TRAPPC10: variants seen among roughly 807,000 people sequenced by gnomAD.
The protein encoded by TRAPPC10 is TRAPP 130 kDa subunit.
In TRAPPC10, 23 loss-of-function variants were observed where a neutral mutation model predicts 125.5. That is an observed-to-expected ratio of 0.18 (90% confidence interval 0.13 to 0.26). The LOEUF is 0.26. TRAPPC10 is among the 10% of genes least tolerant of loss of function. The probability of loss-of-function intolerance (pLI) is 1.00; values close to 1 mark genes in which losing one functional copy is unlikely to be tolerated. For missense variants in TRAPPC10, 1,123 were observed against 1,308.4 expected (o/e 0.86, Z 2.19); for synonymous variants, 509 against 518.0 (o/e 0.98, Z 0.24).
chr21:44,072,148 A>G (rs2036913165), intron 7 of TRAPPC10, among the ~76,000 whole-genome samples: 1 of 152,268 alleles, frequency 6.6e-6, no homozygotes, highest in South Asian at 2.1e-4. Flanking sequence ...GAACTATTCT[A>G]TAATCATGCC....
chr21:44,069,809 T>G (rs1183189790), intron 7 of TRAPPC10, among the ~76,000 whole-genome samples: 1 of 152,038 alleles, frequency 6.6e-6, no homozygotes, highest in African/African-American at 2.4e-5. Flanking sequence ...TGTGCTAGGG[T>G]ACAGTGATGA....
At chr21:44,083,992 C>A in intron 14 of TRAPPC10, 130 bp from the exon 15 acceptor site, 1 of 994,330 alleles carries the variant, frequency 1.0e-6, no homozygotes. Context: ...GGCACAAGAG[C>A]AGGGGGTACA....
intron 10 of TRAPPC10, 68 bp downstream of exon 10, chr21:44,076,696 C>T (rs2037308733): frequency 1.5e-6 from 2 of 1,377,584 alleles, no homozygotes; most frequent in East Asian, 4.6e-5. Flanking sequence ...TGCTACATGG[C>T]CTGTTGAGTT....
intron 7 of TRAPPC10, among the ~76,000 whole-genome samples, chr21:44,064,303 ATG>A (rs10526131): frequency 0.11 from 15,548 of 147,790 alleles, 855 homozygotes; most frequent in Admixed American, 0.15. Flanking sequence ...TGTCATAAAT[ATG>A]TGTGTGTGTG....
rs1296872161 is a variant in TRAPPC10, at chr21:44,052,305, T to G, written c.311T>G (p.Val104Gly). Residue 104 changes from valine (V) to glycine (G), a missense_variant, in exon 4 of 23, where the codon GTA becomes GGA. Physicochemically the swap from Val to Gly is moderately radical, Grantham distance 109. Around this residue, in one of 4 missense-constraint regions of TRAPPC10, gnomAD observed 177 missense variants for 228.9 expected, o/e 0.77. Transcript: ENST00000291574. ...CCDTEVYKAT[V>G]KDDLTKWQNV... ...GATACCGAAGTGTATAAAGCTACAG[T>G]AAAAGATGACCTCACCAAGTGGCAG... is the stretch of plus-strand genomic sequence containing the variant. 3 of 1,602,852 alleles carry G rather than the reference T, an allele frequency of 1.9e-6. No homozygotes were observed. The highest frequency in any genetic ancestry group is 2.5e-6 in the Non-Finnish European group (3 of 1,177,058).
chr21:44,030,410 A>G (rs2033472636), intron 1 of TRAPPC10, among the ~76,000 whole-genome samples: 1 of 152,212 alleles, frequency 6.6e-6, no homozygotes, highest in South Asian at 2.1e-4. Context: ...AATCAAAGTT[A>G]AGAAACCAGA....
chr21:44,047,187 TTTA>T, intron 3 of TRAPPC10: 1 of 382,862 alleles, frequency 2.6e-6, no homozygotes, highest in Non-Finnish European at 4.9e-6. Context: ...ACATTTTTAT[TTTA>T]TTTTATTTTT....
intron 6 of TRAPPC10, chr21:44,062,898 A>G: frequency 6.1e-6 from 6 of 985,322 alleles, no homozygotes; most frequent in Non-Finnish European, 7.2e-6. Context: ...TGATTGATGG[A>G]CTTGTTATTA....
chr21:44,057,720 A>G (rs1010456641), intron 5 of TRAPPC10, among the ~76,000 whole-genome samples: 1 of 152,244 alleles, frequency 6.6e-6, no homozygotes, highest in Non-Finnish European at 1.5e-5. Flanking sequence ...GAAGTTCAAC[A>G]TAACTTAGCA....
rs765995717 is a variant in TRAPPC10 at position 44,087,581 on chromosome 21, G to A, written c.2540-118G>A. The A allele has an allele frequency of 8.0e-6, 7 of 875,158 alleles. No homozygotes were observed. Among genetic ancestry groups the A allele is most frequent in the Non-Finnish European group, 1.1e-5 (6 of 554,242 alleles). 54.2% of individuals were successfully genotyped at this position (875,158 alleles called of 1,614,324 possible). On this transcript the variant is annotated intron_variant, in intron 16 of 22. Coordinates refer to ENST00000291574, the MANE Select transcript of TRAPPC10 (RefSeq NM_003274.5). The surrounding 1 kb of genome is among the most constrained non-coding windows in gnomAD (Gnocchi z 4.6). ...TTGTTCTTGGGTTTGCCTGCCAGGT[G>A]CGCAGGAGCGGGAGAGGTTGAGCAG... is the stretch of plus-strand genomic sequence containing the variant.
chr21:44,057,138 G>C (rs570267163), intron 5 of TRAPPC10, among the ~76,000 whole-genome samples: 1 of 152,286 alleles, frequency 6.6e-6, no homozygotes, highest in Admixed American at 6.5e-5. Flanking sequence ...TTCAGAGACA[G>C]AAGGTGGAAT....
chr21:44,080,354 C>G (rs2037603166), intron 13 of TRAPPC10, among the ~76,000 whole-genome samples: 1 of 152,032 alleles, frequency 6.6e-6, no homozygotes. Flanking sequence ...TAACCACACC[C>G]AAAGAATTAA....
chr21:44,025,821 G>GT (rs2032991774), intron 1 of TRAPPC10, among the ~76,000 whole-genome samples: 4 of 109,940 alleles, frequency 3.6e-5, no homozygotes, highest in African/African-American at 1.4e-4. Flanking sequence ...AGAGGGCAGG[G>GT]GTGTGTGTGT....
chr21:44,013,749 TAGACG>T (rs2031472114), intron 1 of TRAPPC10, among the ~76,000 whole-genome samples: 2 of 152,246 alleles, frequency 1.3e-5, no homozygotes, highest in African/African-American at 4.8e-5. Flanking sequence ...TACAGAGACC[TAGACG>T]AGATGATAGA....
At chr21:44,067,598 T>A (rs2036544644) in intron 7 of TRAPPC10, among the ~76,000 whole-genome samples, 1 of 151,974 alleles carries the variant, frequency 6.6e-6, no homozygotes, top group Non-Finnish European at 1.5e-5. Context: ...GAGACAGGGA[T>A]GGGGGTGCAC....
chr21:44,079,609 A>C lies in TRAPPC10; in HGVS notation c.1515A>C (p.Ala505=), dbSNP rs961165670. The C allele has an allele frequency of 7.7e-5, 124 of 1,607,602 alleles. No homozygotes were observed. Among genetic ancestry groups the C allele is most frequent in the Non-Finnish European group, 1.0e-4 (121 of 1,178,628 alleles). ...PQKAEIYLQG[A]LKNYLAEGWA... The stretch of plus-strand genomic sequence containing the variant: ...AGGCAGAAATCTATCTTCAAGGAGC[A>C]CTGAAAAACTACCTGGCTGAGGGCT... Residue 505 remains alanine, a synonymous_variant, in exon 12 of 23, where the codon GCA becomes GCC. Coordinates refer to ENST00000291574, the MANE Select transcript of TRAPPC10 (RefSeq NM_003274.5).
At chr21:44,065,623 G>A (rs1319273119) in intron 7 of TRAPPC10, among the ~76,000 whole-genome samples, 5 of 152,270 alleles carry the variant, frequency 3.3e-5, no homozygotes, top group East Asian at 3.9e-4. Flanking sequence ...CTAAGAACCC[G>A]CTTCCTGTTT....
chr21:44,045,848 A>G (rs571681285), intron 3 of TRAPPC10, among the ~76,000 whole-genome samples: 3 of 151,886 alleles, frequency 2.0e-5, no homozygotes, highest in East Asian at 1.9e-4. Context: ...GAGCCACCGC[A>G]CCGGGCCAAG....
chr21:44,028,075 T>C (rs754395597), intron 1 of TRAPPC10, among the ~76,000 whole-genome samples: 34 of 152,210 alleles, frequency 2.2e-4, no homozygotes, highest in Admixed American at 5.9e-4. Context: ...ACTGAAGTCA[T>C]CTTTTTGAAT....
Sources: allele counts gnomAD v4.1 joint callset (sites outside exome capture counted in the v4.1 genomes callset), GRCh38; gene constraint gnomAD v4.1.1; regional missense constraint gnomAD v4.1.1; non-coding constraint Gnocchi (gnomAD v3.1); transcripts MANE v1.5; gene names NCBI Gene and HGNC (gene_info 2026-07-23, HGNC 2026-07-21).